Variants in HM13 observed in about 807,000 individuals in gnomAD.
HM13 encodes the protein signal peptide peptidase.
Under a neutral mutation model 50.0 loss-of-function variants are expected in HM13, and 18 were observed. The observed-to-expected ratio is 0.36, with a 90% CI of 0.25 to 0.53. HM13 has a LOEUF of 0.53. Among genes scored for constraint, HM13 ranks in the 20% least tolerant of loss-of-function variants. The pLI is 0.90. For synonymous variants in HM13, 197 were observed against 232.6 expected, an observed-to-expected ratio of 0.85 and a Z score of 1.39; for missense variants, 393 against 552.4, an observed-to-expected ratio of 0.71 and a Z score of 2.89.
intron 2 of HM13, among the ~76,000 whole-genome samples, chr20:31,536,092 G>A (rs1316518116): frequency 1.3e-5 from 2 of 152,186 alleles, no homozygotes; most frequent in Non-Finnish European, 2.9e-5. Context: ...GCTGGGTGCG[G>A]TGGGTCACGC....
rs752778581 is a variant in HM13 at position 31,554,732 on chromosome 20, G to A, written c.725-14G>A. Reference sequence around the variant, plus strand: ...GCTCCAGCTGACTCCTCACATTCCCGCCTCCCGCTTCAGTGGTGTTTCCCC... The same window carrying A: ...GCTCCAGCTGACTCCTCACATTCCCACCTCCCGCTTCAGTGGTGTTTCCCC... On this transcript the variant is annotated splice_polypyrimidine_tract_variant and intron_variant, in intron 7 of 12. Coordinates refer to ENST00000398174, the MANE Select transcript of HM13 (RefSeq NM_178581.3). The A allele has an allele frequency of 1.4e-5, 23 of 1,608,010 alleles. No homozygotes were observed. In the East Asian group the frequency reaches 1.6e-4, roughly 11 times the overall value.
At chr20:31,525,698 G>C (rs183604319) in intron 1 of HM13, among the ~76,000 whole-genome samples, 1 of 151,966 alleles carries the variant, frequency 6.6e-6, no homozygotes, top group Admixed American at 6.6e-5. Context: ...CAGAGAGAGG[G>C]CAGGTAGAGA....
intron 11 of HM13, 58 bp from the exon 12 acceptor site, chr20:31,568,020 C>T: frequency 7.0e-7 from 1 of 1,419,148 alleles, no homozygotes; most frequent in East Asian, 2.5e-5. Flanking sequence ...TCTCTGTCCT[C>T]CCTTAGTCTT....
intron 3 of HM13, chr20:31,539,872 A>G (rs1257155629): frequency 6.6e-6 from 1 of 152,080 alleles, no homozygotes. Context: ...AGTCAGGAGC[A>G]CAGGGTCAAG....
At position 31,569,537 on chromosome 20, in the gene HM13, A is replaced by G. The variant is rs934300016; in HGVS notation, c.*318A>G. On this transcript the variant is annotated 3_prime_UTR_variant, in exon 13 of 13. Transcript: ENST00000398174. ...TTGCCTCACATTAAAAACTCATCCC[A>G]TGGCCAGGGCGGGCCACTGTGCTCC... 2.3e-5 allele frequency: 5 copies of G among 216,390 alleles called. No individual in the cohort carries two copies. The highest frequency in any genetic ancestry group is 4.7e-5 in the Non-Finnish European group (5 of 107,418). The allele number at this position is 216,390 out of a possible 1,614,324, so 13.4% of individuals were successfully genotyped here.
chr20:31,564,883 C>T (rs930543312), intron 10 of HM13, among the ~76,000 whole-genome samples: 5 of 150,656 alleles, frequency 3.3e-5, no homozygotes, highest in South Asian at 2.1e-4. Context: ...AAAAGAAACT[C>T]GGCCAGGCGC....
intron 2 of HM13, among the ~76,000 whole-genome samples, chr20:31,534,589 C>T (rs1254096876): frequency 1.3e-5 from 2 of 151,902 alleles, no homozygotes; most frequent in Non-Finnish European, 2.9e-5. Flanking sequence ...TAAAGATCAG[C>T]CTGGCCAACA....
intron 10 of HM13, among the ~76,000 whole-genome samples, chr20:31,565,481 CAA>C (rs549803053): frequency 3.8e-4 from 34 of 90,000 alleles, no homozygotes; most frequent in Admixed American, 6.4e-4. Context: ...GACTCTGTCT[CAA>C]AAAAAAAAAA....
intron 1 of HM13, among the ~76,000 whole-genome samples, chr20:31,519,769 CA>C (rs1982036828): frequency 6.6e-6 from 1 of 151,622 alleles, no homozygotes; most frequent in Non-Finnish European, 1.5e-5. Flanking sequence ...TAACATTATA[CA>C]TTTTTATTTC....
Position 31,550,144 on chromosome 20 carries a change from G to A in HM13, c.724+23G>A, listed in dbSNP as rs1342698449. On this transcript the variant is annotated intron_variant, in intron 7 of 12. Coordinates refer to ENST00000398174, the MANE Select transcript of HM13 (RefSeq NM_178581.3). The stretch of plus-strand genomic sequence containing the variant: ...AATGTAAGTGACCACCCTGCCACAG[G>A]GAACCCCTTCCCCCACCCCTGCCGG... 3.1e-6 allele frequency: 5 copies of A among 1,604,630 alleles called. No homozygotes were observed. The African/African-American group carries it at 4.0e-5, about 13-fold the overall frequency.
chr20:31,564,928 G>A (rs1371683143), intron 10 of HM13, among the ~76,000 whole-genome samples: 1 of 151,604 alleles, frequency 6.6e-6, no homozygotes, highest in African/African-American at 2.4e-5. Flanking sequence ...CACTTTGGGA[G>A]GCCAAGGCAG....
chr20:31,514,447 C>T lies in HM13; in HGVS notation c.-105C>T. Reference sequence around the variant, plus strand: ...GGCTTGGGAGGGAGCACGTCACTTCCTGTTGCCTTAGGGGAACGTGGCTTT... The same window carrying T: ...GGCTTGGGAGGGAGCACGTCACTTCTTGTTGCCTTAGGGGAACGTGGCTTT... On this transcript the variant is annotated 5_prime_UTR_variant, in exon 1 of 13. Coordinates refer to ENST00000398174, the MANE Select transcript of HM13 (RefSeq NM_178581.3). The surrounding 1 kb of genome is among the most constrained non-coding windows in gnomAD (Gnocchi z 4.3). 7.6e-7 allele frequency: 1 copy of T among 1,319,074 alleles called. No homozygotes were observed. The highest frequency in any genetic ancestry group is 1.0e-6 in the Non-Finnish European group (1 of 959,530). 81.7% of individuals were successfully genotyped at this position (1,319,074 alleles called of 1,614,324 possible).
intron 8 of HM13, among the ~76,000 whole-genome samples, chr20:31,555,400 T>C (rs532214955): frequency 6.7e-6 from 1 of 150,000 alleles, no homozygotes; most frequent in Non-Finnish European, 1.5e-5. Context: ...TGGATCTGCG[T>C]GTGGGTTCTA....
intron 2 of HM13, chr20:31,535,524 G>C (rs1432258126): frequency 6.6e-6 from 1 of 152,236 alleles, no homozygotes; most frequent in Non-Finnish European, 1.5e-5. Context: ...AAGAAGCTCA[G>C]AGGTGTGGCC....
rs1334767956 is a variant in HM13, at chr20:31,514,889, G to A, written c.183+155G>A. Among the ~76,000 whole-genome samples the A allele has an allele frequency of 1.3e-5, 2 of 152,108 alleles. No homozygotes were observed. Among genetic ancestry groups the A allele is most frequent in the African/African-American group, 4.8e-5 (2 of 41,424 alleles). ...CTCTGTCTCGGGCCCACATTCCGGG[G>A]CTGGCATTTCCTACCCCGGGATCTG... On this transcript the variant is annotated intron_variant, in intron 1 of 12. Coordinates refer to ENST00000398174, the MANE Select transcript of HM13 (RefSeq NM_178581.3). The surrounding 1 kb of genome is among the most constrained non-coding windows in gnomAD (Gnocchi z 4.3).
intron 4 of HM13, chr20:31,548,028 G>A (rs1177022983): frequency 1.3e-6 from 2 of 1,589,428 alleles, no homozygotes. Context: ...ATGGGCTGTG[G>A]CACATGAAGA....
chr20:31,566,130 G>A (rs1984893263), intron 10 of HM13, 80 bp from the exon 11 acceptor site: 1 of 1,037,890 alleles, frequency 9.6e-7, no homozygotes, highest in Admixed American at 2.3e-5. Flanking sequence ...GTCCAGCCCA[G>A]AAGGGGTTTG....
chr20:31,524,665 T>G (rs529367742), intron 1 of HM13, among the ~76,000 whole-genome samples: 1 of 151,908 alleles, frequency 6.6e-6, no homozygotes, highest in African/African-American at 2.4e-5. Flanking sequence ...GAATAAAGAC[T>G]TTTTTTATTA....
chr20:31,525,950 AC>A (rs950815324), intron 1 of HM13, among the ~76,000 whole-genome samples: 1 of 151,714 alleles, frequency 6.6e-6, no homozygotes, highest in Non-Finnish European at 1.5e-5. Flanking sequence ...ACATTGTGAA[AC>A]CCCCTCTCTG....
Sources: gnomAD v4.1 joint callset for allele counts (sites outside exome capture counted in the v4.1 genomes callset) on GRCh38, gnomAD v4.1.1 for gene constraint, Gnocchi (gnomAD v3.1) non-coding constraint, MANE v1.5 for transcripts, NCBI Gene and HGNC (gene_info 2026-07-23, HGNC 2026-07-21) for gene names.